Variants in TRMT9B observed in about 807,000 individuals in gnomAD.
TRMT9B encodes the protein probable tRNA methyltransferase 9B.
Under a neutral mutation model 11.5 loss-of-function variants are expected in TRMT9B, and 16 were observed. The ratio of observed to expected loss-of-function variants is 1.39; its 90% CI spans 0.94 to 2.11. The LOEUF (loss-of-function observed/expected upper bound fraction) is 2.11. TRMT9B is among the 30% of genes most tolerant of loss of function. The pLI, the probability that TRMT9B is intolerant of heterozygous loss-of-function variation, is 0.00. For synonymous variants in TRMT9B, 274 were observed against 192.4 expected (o/e 1.42, Z -3.51); for missense variants, 941 against 553.8 (o/e 1.70, Z -7.02).
chr8:13,019,987 C>T (rs889990785), intron 4 of TRMT9B, among the ~76,000 whole-genome samples: 1 of 152,192 alleles, frequency 6.6e-6, no homozygotes, highest in Non-Finnish European at 1.5e-5. Context: ...CAAAATGTAT[C>T]TGTTGAGTGA....
chr8:12,967,453 C>A (rs376570361), intron 1 of TRMT9B, among the ~76,000 whole-genome samples: 10 of 152,270 alleles, frequency 6.6e-5, no homozygotes, highest in African/African-American at 2.2e-4. Flanking sequence ...ATGGTGACAA[C>A]GATGATTTGT....
intron 3 of TRMT9B, among the ~76,000 whole-genome samples, chr8:13,010,111 C>T (rs1206026924): frequency 6.6e-6 from 1 of 150,902 alleles, no homozygotes; most frequent in Non-Finnish European, 1.5e-5. Context: ...GCATTCTAGC[C>T]TGGGTGGCAT....
intron 1 of TRMT9B, among the ~76,000 whole-genome samples, chr8:12,946,990 G>T (rs535206653): frequency 2.0e-5 from 3 of 152,278 alleles, no homozygotes; most frequent in African/African-American, 7.2e-5. Context: ...GAACTGAAGG[G>T]TTTAGGATTT....
In TRMT9B at chr8:12,976,515, G is replaced by A. The variant is rs566143103; in HGVS notation, c.-199-14319G>A. On this transcript the variant is annotated intron_variant, in intron 1 of 4. Transcript: ENST00000524591. ...AGCACTTTGGGAGGCAGAAGCGGGC[G>A]GATCACTTGAGGTCAGGAGTTTGAG... is the stretch of plus-strand genomic sequence containing the variant. Among the ~76,000 whole-genome samples the A allele has an allele frequency of 9.2e-5, 14 of 151,802 alleles. No homozygotes were observed. In the East Asian group the frequency reaches 9.7e-4, roughly 11 times the overall value.
At chr8:13,012,658 A>T in intron 3 of TRMT9B, 26 bp from the exon 4 acceptor site, 1 of 1,594,468 alleles carries the variant, frequency 6.3e-7, no homozygotes, top group African/African-American at 1.3e-5. Context: ...TGAGGATAGC[A>T]TGTAACGCAG....
chr8:12,950,692 G>A (rs746810719), intron 1 of TRMT9B, among the ~76,000 whole-genome samples: 1 of 152,106 alleles, frequency 6.6e-6, no homozygotes, highest in African/African-American at 2.4e-5. Context: ...ACTAGAAAAC[G>A]ATTCCAGAAT....
At chr8:12,961,423 C>T (rs978774201) in intron 1 of TRMT9B, among the ~76,000 whole-genome samples, 4 of 151,920 alleles carry the variant, frequency 2.6e-5, no homozygotes, top group Admixed American at 6.5e-5. Context: ...TACCTTCGGC[C>T]GGGCGCGGTG....
At position 13,021,304 on chromosome 8, in the gene TRMT9B, T is replaced by C. The variant is rs759934606; in HGVS notation, c.625T>C (p.Ser209Pro). Reference protein sequence around the residue: ...CSVCFKEQCGSKRSHSVGYEP... With the variant: ...CSVCFKEQCGPKRSHSVGYEP... Reference sequence around the variant, plus strand: ...TGTTTGTTTTAAAGAGCAGTGTGGTTCAAAACGGTCCCACAGCGTGGGCTA... The same window carrying C: ...TGTTTGTTTTAAAGAGCAGTGTGGTCCAAAACGGTCCCACAGCGTGGGCTA... The change falls in exon 5 of 5, where the codon TCA (serine) becomes CCA (proline). Residue 209 changes from serine (S) to proline (P), a missense_variant. Transcript: ENST00000524591. 1 of 1,614,026 alleles carries C rather than the reference T, an allele frequency of 6.2e-7. No homozygotes were observed. The highest frequency in any genetic ancestry group is 2.2e-5 in the East Asian group (1 of 44,876).
At chr8:13,000,378 C>G (rs1211361085) in intron 2 of TRMT9B, among the ~76,000 whole-genome samples, 1 of 152,180 alleles carries the variant, frequency 6.6e-6, no homozygotes, top group East Asian at 1.9e-4. Flanking sequence ...CTTTGTTTTT[C>G]TACCCTTTGG....
At chr8:12,990,733 TG>T (rs1356542313) in intron 1 of TRMT9B, 100 bp from the exon 2 acceptor site, 2 of 537,672 alleles carry the variant, frequency 3.7e-6, no homozygotes, top group Non-Finnish European at 5.6e-6. Flanking sequence ...CCTACTTGGC[TG>T]GGTAATTTAT....
intron 1 of TRMT9B, among the ~76,000 whole-genome samples, chr8:12,974,323 T>C (rs887183173): frequency 6.6e-6 from 1 of 152,072 alleles, no homozygotes; most frequent in African/African-American, 2.4e-5. Flanking sequence ...AGCTTCTTGA[T>C]AGCAGCAGGT....
intron 1 of TRMT9B, among the ~76,000 whole-genome samples, chr8:12,982,416 G>T (rs1198786429): frequency 6.6e-6 from 1 of 152,114 alleles, no homozygotes; most frequent in Non-Finnish European, 1.5e-5. Flanking sequence ...AATCCCAGCA[G>T]TTTGGGATGC....
chr8:13,020,302 C>G (rs1255787672), intron 4 of TRMT9B, among the ~76,000 whole-genome samples: 1 of 152,192 alleles, frequency 6.6e-6, no homozygotes, highest in Non-Finnish European at 1.5e-5. Context: ...AACTAACAGA[C>G]TAGCACTTTT....
chr8:12,979,318 C>T lies in TRMT9B; in HGVS notation c.-199-11516C>T, dbSNP rs539752877. Among the ~76,000 whole-genome samples, 92 of 152,222 alleles carry T rather than the reference C, an allele frequency of 6.0e-4. 1 individual carries two copies. The highest frequency in any genetic ancestry group is 2.2e-3 in the African/African-American group (91 of 41,530). On this transcript the variant is annotated intron_variant, in intron 1 of 4. Transcript: ENST00000524591. ...AGTAATTTGGCAGCCTATAGATTCTCAGTAACCTAGAGTTTATATTTCAGC... is the reference window on the plus strand; with the variant it reads ...AGTAATTTGGCAGCCTATAGATTCTTAGTAACCTAGAGTTTATATTTCAGC...
At chr8:12,955,273 C>T (rs775841948) in intron 1 of TRMT9B, among the ~76,000 whole-genome samples, 35 of 152,078 alleles carry the variant, frequency 2.3e-4, no homozygotes, top group Non-Finnish European at 4.9e-4. Context: ...CCTAGACAGG[C>T]CTTTGACTCA....
Position 12,973,631 on chromosome 8 carries a change from G to T in TRMT9B, c.-199-17203G>T, listed in dbSNP as rs141108997. ...ATCTGGAGAGGTGAAGAGATGGCGG[G>T]TGAAACATGTTGGAGGTGTAGGGGT... On this transcript the variant is annotated intron_variant, in intron 1 of 4. Transcript: ENST00000524591. 8.9e-4 allele frequency among the ~76,000 whole-genome samples: 135 copies of T among 151,986 alleles called. 3 individuals are homozygous for T. Among genetic ancestry groups the T allele is most frequent in the African/African-American group, 3.0e-3 (124 of 41,442 alleles).
At chr8:12,996,855 T>G (rs1322523251) in intron 2 of TRMT9B, among the ~76,000 whole-genome samples, 1 of 152,170 alleles carries the variant, frequency 6.6e-6, no homozygotes, top group East Asian at 1.9e-4. Flanking sequence ...CAACCCCCAG[T>G]GCTCCCTGCC....
chr8:12,974,300 C>T (rs1372262086), intron 1 of TRMT9B, among the ~76,000 whole-genome samples: 1 of 152,062 alleles, frequency 6.6e-6, no homozygotes, highest in Non-Finnish European at 1.5e-5. Context: ...AAGAAACCAC[C>T]TTTCCCACTG....
intron 1 of TRMT9B, among the ~76,000 whole-genome samples, chr8:12,953,870 G>T (rs1476005417): frequency 6.6e-6 from 1 of 152,140 alleles, no homozygotes; most frequent in Non-Finnish European, 1.5e-5. Flanking sequence ...AGGAAATTGT[G>T]CCAAAGAACT....
Sources: allele counts gnomAD v4.1 joint callset (sites outside exome capture counted in the v4.1 genomes callset), GRCh38; gene constraint gnomAD v4.1.1; transcripts MANE v1.5; gene names NCBI Gene and HGNC (gene_info 2026-07-23, HGNC 2026-07-21).